Variants in CD44 observed in about 807,000 individuals in gnomAD.
CD44 encodes CD44 antigen.
A neutral mutation model predicts 88.8 loss-of-function variants in CD44; 49 were observed. The ratio of observed to expected loss-of-function variants is 0.55; its 90% confidence interval spans 0.44 to 0.70. The LOEUF (loss-of-function observed/expected upper bound fraction) is 0.70. Ranked by LOEUF, CD44 falls within the 30% of genes least tolerant of loss-of-function variation. The probability of loss-of-function intolerance (pLI) is 0.00; values close to 1 mark genes in which losing one functional copy is unlikely to be tolerated. For missense variants in CD44, 883 were observed against 913.8 expected (o/e 0.97, Z 0.43); for synonymous variants, 325 against 312.3 (o/e 1.04, Z -0.43).
intron 10 of CD44, among the ~76,000 whole-genome samples, chr11:35,205,323 T>G (rs1307097315): frequency 9.2e-5 from 14 of 152,206 alleles, no homozygotes; most frequent in Non-Finnish European, 1.8e-4. Context: ...ATAAAGAATG[T>G]GAATTCCATA....
intron 10 of CD44, 128 bp from the exon 11 acceptor site, chr11:35,205,984 C>G (rs1353972608): frequency 7.5e-7 from 1 of 1,337,306 alleles, no homozygotes; most frequent in Non-Finnish European, 9.6e-7. Context: ...CTTCCTTGCC[C>G]TCTATACAAG....
intron 5 of CD44, among the ~76,000 whole-genome samples, chr11:35,191,413 T>C (rs1208955309): frequency 3.3e-5 from 5 of 152,230 alleles, no homozygotes; most frequent in Admixed American, 6.5e-5. Context: ...TCTTGGGTTA[T>C]TGGCCCTCTT....
intron 1 of CD44, among the ~76,000 whole-genome samples, chr11:35,154,036 G>A (rs1299653027): frequency 6.6e-6 from 1 of 152,212 alleles, no homozygotes; most frequent in Non-Finnish European, 1.5e-5. Context: ...GCTGACTCAG[G>A]ATTTTAGAAG....
intron 1 of CD44, among the ~76,000 whole-genome samples, chr11:35,154,121 G>T (rs1459752038): frequency 6.6e-6 from 1 of 152,206 alleles, no homozygotes; most frequent in Admixed American, 6.5e-5. Context: ...GTTATTTTAA[G>T]CTACTGGGGA....
rs766956494 is a variant in CD44, at chr11:35,166,278, C to T, written c.68-10297C>T. Among the ~76,000 whole-genome samples the T allele has an allele frequency of 5.6e-4, 86 of 152,314 alleles. No homozygotes were observed. In the Middle Eastern group the frequency reaches 0.01, roughly 18 times the overall value. ...GTACTGTGGTTTCTCTGCCTGAAGACGCACTCGTCAAAGACTACTTGGTGT... is the reference window on the plus strand; with the variant it reads ...GTACTGTGGTTTCTCTGCCTGAAGATGCACTCGTCAAAGACTACTTGGTGT... On this transcript the variant is annotated intron_variant, in intron 1 of 17. Transcript: ENST00000428726.
intron 12 of CD44, 114 bp from the exon 13 acceptor site, chr11:35,209,850 CT>C (rs1222774551): frequency 1.5e-6 from 1 of 655,456 alleles, no homozygotes; most frequent in East Asian, 3.0e-5. Context: ...AAACCTTGGT[CT>C]TCCTATGCAC....
At chr11:35,149,090 G>A (rs1859796833) in intron 1 of CD44, among the ~76,000 whole-genome samples, 2 of 152,080 alleles carry the variant, frequency 1.3e-5, no homozygotes, top group Non-Finnish European at 2.9e-5. Flanking sequence ...TTTCCTATAG[G>A]TCTGGCTGCC....
rs761172121 is a variant in CD44 at position 35,204,651 on chromosome 11, G to T, written c.1282+11G>T. On this transcript the variant is annotated intron_variant, in intron 10 of 17. Coordinates refer to ENST00000428726, the MANE Select transcript of CD44 (RefSeq NM_000610.4). Reference sequence around the variant, plus strand: ...CAACAGGGACAGCTGGTAATGGATGGTTTAACAAGTAAATTTGGATGGAAA... The same window carrying T: ...CAACAGGGACAGCTGGTAATGGATGTTTTAACAAGTAAATTTGGATGGAAA... The T allele has an allele frequency of 5.6e-6, 9 of 1,611,516 alleles. No homozygotes were observed. In the South Asian group the frequency reaches 9.9e-5, roughly 18 times the overall value.
chr11:35,198,357 C>A, intron 7 of CD44, 111 bp downstream of exon 7: 2 of 934,382 alleles, frequency 2.1e-6, no homozygotes, highest in Non-Finnish European at 3.2e-6. Flanking sequence ...AATGGGTGAA[C>A]CTATGATCAT....
chr11:35,167,431 A>C (rs973779121), intron 1 of CD44, among the ~76,000 whole-genome samples: 3 of 152,222 alleles, frequency 2.0e-5, no homozygotes, highest in African/African-American at 7.2e-5. Context: ...CCAATTAACA[A>C]TAATGCTTTA....
chr11:35,168,045 G>A (rs1259304239), intron 1 of CD44, among the ~76,000 whole-genome samples: 1 of 152,250 alleles, frequency 6.6e-6, no homozygotes, highest in African/African-American at 2.4e-5. Flanking sequence ...TGGAGAGAGA[G>A]TGAAAATTCC....
intron 1 of CD44, among the ~76,000 whole-genome samples, chr11:35,173,118 A>G (rs1944088716): frequency 6.6e-6 from 1 of 152,254 alleles, no homozygotes; most frequent in Admixed American, 6.5e-5. Flanking sequence ...AATAAGAAAG[A>G]AACTACCATT....
At chr11:35,184,975 C>T (rs149574974) in intron 3 of CD44, among the ~76,000 whole-genome samples, 25 of 152,160 alleles carry the variant, frequency 1.6e-4, no homozygotes, top group African/African-American at 5.8e-4. Flanking sequence ...TTCTCTGTCC[C>T]CATCACACAT....
At chr11:35,223,347 C>A in intron 17 of CD44, 1 of 926,442 alleles carries the variant, frequency 1.1e-6, no homozygotes, top group Non-Finnish European at 1.3e-6. Context: ...CCTTTATTGC[C>A]AAGCCCTAGA....
intron 17 of CD44, among the ~76,000 whole-genome samples, chr11:35,228,291 T>C (rs1334968757): frequency 6.6e-6 from 1 of 152,212 alleles, no homozygotes; most frequent in Non-Finnish European, 1.5e-5. Flanking sequence ...TGTCTTATGT[T>C]ATTAAACTTC....
intron 5 of CD44, among the ~76,000 whole-genome samples, chr11:35,191,311 G>T (rs1946251036): frequency 6.6e-6 from 1 of 152,216 alleles, no homozygotes; most frequent in Non-Finnish European, 1.5e-5. Context: ...CTCTGGCTGA[G>T]GGCATGATAC....
chr11:35,210,052 G>C lies in CD44; in HGVS notation c.1604G>C (p.Ser535Thr), dbSNP rs1948249990. The C allele has an allele frequency of 6.5e-7, 1 of 1,536,500 alleles. No homozygotes were observed. Among genetic ancestry groups the C allele is most frequent in the African/African-American group, 1.4e-5 (1 of 70,148 alleles). Reference protein sequence around the residue: ...DHPTTSTLTSSNRNDVTGGRR... With the variant: ...DHPTTSTLTSTNRNDVTGGRR... The stretch of plus-strand genomic sequence containing the variant: ...CCAACAACTTCTACTCTGACATCAA[G>C]CAGTAAGGATTATAAAACCTAGTTG... Residue 535 changes from serine to threonine, a missense_variant and splice_region_variant, in exon 13 of 18, where the codon AGC (serine) becomes ACC (threonine). Physicochemically the swap from Ser to Thr is moderately conservative, Grantham distance 58. Coordinates refer to ENST00000428726, the MANE Select transcript of CD44 (RefSeq NM_000610.4).
intron 10 of CD44, chr11:35,204,884 ATG>A (rs2134095343): frequency 2.5e-6 from 1 of 406,394 alleles, no homozygotes; most frequent in South Asian, 2.7e-5. Flanking sequence ...GCCCTTGAAC[ATG>A]TCTCTTTCAC....
chr11:35,171,107 C>A (rs943248735), intron 1 of CD44, among the ~76,000 whole-genome samples: 1 of 152,132 alleles, frequency 6.6e-6, no homozygotes, highest in African/African-American at 2.4e-5. Context: ...AAATATTAGC[C>A]ACTGCTCTTG....
Sources: gnomAD v4.1 joint callset for allele counts (sites outside exome capture counted in the v4.1 genomes callset) on GRCh38, gnomAD v4.1.1 for gene constraint, MANE v1.5 for transcripts, NCBI Gene and HGNC (gene_info 2026-07-23, HGNC 2026-07-21) for gene names.